The following ARHGAP26 variants were observed in gnomAD, a reference collection of about 807,000 sequenced individuals.
ARHGAP26 encodes rho GTPase-activating protein 26.
In ARHGAP26, 38 loss-of-function variants were observed where a neutral mutation model predicts 104.8. The ratio of observed to expected loss-of-function variants is 0.36; its 90% confidence interval spans 0.28 to 0.48. The LOEUF is 0.48. ARHGAP26 is among the 20% of genes least tolerant of loss of function. The probability of loss-of-function intolerance (pLI) is 0.99; values close to 1 mark genes in which losing one functional copy is unlikely to be tolerated. For synonymous variants in ARHGAP26, 341 were observed against 340.0 expected, an observed-to-expected ratio of 1.00 and a Z score of -0.03; for missense variants, 704 against 947.9, an observed-to-expected ratio of 0.74 and a Z score of 3.38.
intron 19 of ARHGAP26, among the ~76,000 whole-genome samples, chr5:143,137,162 T>C (rs1044644548): frequency 3.3e-5 from 5 of 152,234 alleles, no homozygotes; most frequent in African/African-American, 1.2e-4. Flanking sequence ...TATGTTAAAA[T>C]AAACATGTAA....
At chr5:142,846,981 G>T (rs1303438543) in intron 1 of ARHGAP26, among the ~76,000 whole-genome samples, 1 of 152,020 alleles carries the variant, frequency 6.6e-6, no homozygotes, top group East Asian at 1.9e-4. Flanking sequence ...ACCTAAGAAG[G>T]GGTCTGTGAA....
In ARHGAP26 at chr5:142,770,720, C is replaced by A; in HGVS notation, c.-42C>A. 6 of 1,166,470 alleles carry A rather than the reference C, an allele frequency of 5.1e-6. No individual in the cohort carries two copies. Among genetic ancestry groups the A allele is most frequent in the Non-Finnish European group, 6.4e-6 (6 of 940,132 alleles). The allele number at this position is 1,166,470 out of a possible 1,614,324, so 72.3% of individuals were successfully genotyped here. A position where few individuals can be genotyped will look rare whatever the true frequency, so the allele number is the denominator to read the frequency against. ...TGCTCTGGGCGGCGGGCGGCCCGGG[C>A]CCCGGCGGAGGCGCGCCCCCCGGCT... On this transcript the variant is annotated 5_prime_UTR_variant, in exon 1 of 23. Coordinates refer to ENST00000645722, the MANE Select transcript of ARHGAP26 (RefSeq NM_001135608.3).
chr5:143,093,035 GT>G (rs1199636038), intron 17 of ARHGAP26, among the ~76,000 whole-genome samples: 1 of 152,144 alleles, frequency 6.6e-6, no homozygotes, highest in African/African-American at 2.4e-5. Context: ...TAGATCCCCT[GT>G]TAGGAAACCT....
intron 17 of ARHGAP26, among the ~76,000 whole-genome samples, chr5:143,059,825 A>C (rs147132754): frequency 1.3e-5 from 2 of 152,202 alleles, no homozygotes; most frequent in Non-Finnish European, 2.9e-5. Context: ...CCTGTAGACA[A>C]GCTCTCATGC....
chr5:143,161,590 TACTC>T (rs1177924370), intron 20 of ARHGAP26, among the ~76,000 whole-genome samples: 1 of 152,198 alleles, frequency 6.6e-6, no homozygotes, highest in Non-Finnish European at 1.5e-5. Context: ...ATACTAGAGT[TACTC>T]AATAATAATT....
intron 11 of ARHGAP26, among the ~76,000 whole-genome samples, chr5:142,937,052 G>A (rs42465): frequency 6.6e-6 from 1 of 152,068 alleles, no homozygotes; most frequent in African/African-American, 2.4e-5. Flanking sequence ...TGCTTTGTGT[G>A]TGAAAGACCC....
intron 22 of ARHGAP26, among the ~76,000 whole-genome samples, chr5:143,221,904 A>G (rs1599584174): frequency 7.1e-6 from 1 of 141,780 alleles, no homozygotes; most frequent in East Asian, 2.1e-4. Flanking sequence ...GATACTGGGC[A>G]GGTGGGTGGG....
At chr5:143,179,870 G>A (rs1804051181) in intron 20 of ARHGAP26, among the ~76,000 whole-genome samples, 1 of 152,078 alleles carries the variant, frequency 6.6e-6, no homozygotes. Context: ...CACTGACACT[G>A]CCTCTCACCA....
At chr5:142,808,122 C>T (rs1032938152) in intron 1 of ARHGAP26, among the ~76,000 whole-genome samples, 4 of 151,258 alleles carry the variant, frequency 2.6e-5, no homozygotes, top group Admixed American at 6.6e-5. Context: ...GTAGTCCCAG[C>T]TACTCGGGAG....
chr5:143,005,229 A>T (rs1777773977), intron 11 of ARHGAP26, among the ~76,000 whole-genome samples: 1 of 152,250 alleles, frequency 6.6e-6, no homozygotes. Flanking sequence ...ATACCATCAG[A>T]ATCCCATGTC....
intron 13 of ARHGAP26, among the ~76,000 whole-genome samples, chr5:143,038,093 A>G (rs13163604): frequency 0.16 from 24,478 of 152,246 alleles, 5,432 homozygotes; most frequent in African/African-American, 0.5. Flanking sequence ...GAGAAAAGCT[A>G]TTAACCATCT....
intron 17 of ARHGAP26, among the ~76,000 whole-genome samples, chr5:143,078,071 G>C (rs1173807715): frequency 6.6e-6 from 1 of 152,214 alleles, no homozygotes; most frequent in Non-Finnish European, 1.5e-5. Flanking sequence ...GAGTGGACAG[G>C]AAGAAGGGAG....
At chr5:143,165,900 A>G (rs532444956) in intron 20 of ARHGAP26, 45 of 469,988 alleles carry the variant, frequency 9.6e-5, no homozygotes, top group South Asian at 6.4e-4. Context: ...AGTAGTATCT[A>G]CCTCCTAGGG....
intron 12 of ARHGAP26, chr5:143,014,507 G>C (rs984302824): frequency 1.1e-4 from 21 of 195,786 alleles, no homozygotes; most frequent in Admixed American, 1.8e-4. Context: ...GTTGCCTCCA[G>C]CACGGTCTCG....
intron 11 of ARHGAP26, among the ~76,000 whole-genome samples, chr5:142,997,576 AT>A (rs34395064): frequency 0.7 from 83,962 of 120,692 alleles, 29,688 homozygotes; most frequent in Non-Finnish European, 0.79. Context: ...TGCCTGGCTG[AT>A]TTTTTTTTTT....
At chr5:142,789,194 A>C (rs1478330074) in intron 1 of ARHGAP26, among the ~76,000 whole-genome samples, 1 of 152,228 alleles carries the variant, frequency 6.6e-6, no homozygotes, top group African/African-American at 2.4e-5. Context: ...AAAGCAGCAG[A>C]CACAAAAATG....
At chr5:142,807,589 A>G (rs1484418426) in intron 1 of ARHGAP26, among the ~76,000 whole-genome samples, 1 of 152,160 alleles carries the variant, frequency 6.6e-6, no homozygotes, top group Non-Finnish European at 1.5e-5. Context: ...CTGTCTACAG[A>G]CGGCTCTATT....
At chr5:143,214,178 A>C in intron 22 of ARHGAP26, 90 bp downstream of exon 22, 1 of 854,598 alleles carries the variant, frequency 1.2e-6, no homozygotes, top group South Asian at 1.6e-5. Flanking sequence ...GCTCCTCCCG[A>C]GGGAAAATCT....
intron 20 of ARHGAP26, among the ~76,000 whole-genome samples, chr5:143,200,334 T>C (rs936321483): frequency 1.3e-5 from 2 of 152,168 alleles, no homozygotes; most frequent in African/African-American, 4.8e-5. Context: ...CTTTCAGGAA[T>C]TTATGCTAAG....
Sources: gnomAD v4.1 joint callset for allele counts (sites outside exome capture counted in the v4.1 genomes callset) on GRCh38, gnomAD v4.1.1 for gene constraint, MANE v1.5 for transcripts, NCBI Gene and HGNC (gene_info 2026-07-23, HGNC 2026-07-21) for gene names.